The following CSNK1A1 variants were observed in gnomAD, a reference collection of about 807,000 sequenced individuals.
CSNK1A1 encodes the protein casein kinase 1 alpha 1.
Under a neutral mutation model 46.1 loss-of-function variants are expected in CSNK1A1, and 7 were observed. The ratio of observed to expected loss-of-function variants is 0.15; its 90% CI spans 0.09 to 0.29. The LOEUF (loss-of-function observed/expected upper bound fraction) is 0.29, where lower values mean the gene tolerates loss of function less well. Ranked by LOEUF, CSNK1A1 falls within the 10% of genes least tolerant of loss-of-function variation. The probability of loss-of-function intolerance (pLI) is 1.00; values close to 1 mark genes in which losing one functional copy is unlikely to be tolerated. For missense variants in CSNK1A1, 96 were observed against 417.1 expected (o/e 0.23, Z 6.71); for synonymous variants, 137 against 141.5 (o/e 0.97, Z 0.23).
Position 149,494,286 on chromosome 5 carries a change from A to C in CSNK1A1, c.*2567T>G, listed in dbSNP as rs778647931. On this transcript the variant is annotated 3_prime_UTR_variant, in exon 10 of 10. Transcript: ENST00000377843. ...AGCAAACCTCCAAATATTCATTTGT[A>C]AGCCATAAGAGGATAAGCACAACCA... 3 of 152,232 alleles carry C rather than the reference A, an allele frequency of 2.0e-5. No individual in the cohort carries two copies. Among genetic ancestry groups the C allele is most frequent in the African/African-American group, 4.8e-5 (2 of 41,462 alleles). The allele number at this position is 152,232 out of a possible 1,614,324, so 9.4% of individuals were successfully genotyped here.
intron 2 of CSNK1A1, among the ~76,000 whole-genome samples, chr5:149,542,519 A>G (rs1445052291): frequency 3.1e-5 from 4 of 127,614 alleles, no homozygotes. Flanking sequence ...GCTGGGGACC[A>G]CTGACTAAAG....
At chr5:149,548,412 C>A (rs1435923738) in intron 2 of CSNK1A1, among the ~76,000 whole-genome samples, 1 of 146,762 alleles carries the variant, frequency 6.8e-6, no homozygotes, top group East Asian at 2.1e-4. Context: ...ACTAAAAATA[C>A]AAAAATTAGC....
intron 9 of CSNK1A1, among the ~76,000 whole-genome samples, chr5:149,500,561 G>A (rs952383109): frequency 9.9e-5 from 15 of 152,092 alleles, no homozygotes; most frequent in African/African-American, 3.4e-4. Flanking sequence ...ACAGAAGCGA[G>A]CCACCGCACC....
intron 2 of CSNK1A1, among the ~76,000 whole-genome samples, chr5:149,526,946 G>A (rs1761740986): frequency 6.6e-6 from 1 of 152,126 alleles, no homozygotes; most frequent in South Asian, 2.1e-4. Flanking sequence ...TGCTTCAGTT[G>A]TTCTTGAGAA....
At chr5:149,518,496 T>C (rs947563515) in intron 4 of CSNK1A1, among the ~76,000 whole-genome samples, 1 of 152,120 alleles carries the variant, frequency 6.6e-6, no homozygotes, top group Non-Finnish European at 1.5e-5. Flanking sequence ...TCCAGTCTCA[T>C]ACAACTGGCA....
chr5:149,549,935 T>G, intron 2 of CSNK1A1, 140 bp downstream of exon 2: 1 of 914,754 alleles, frequency 1.1e-6, no homozygotes, highest in South Asian at 1.8e-5. Flanking sequence ...ATGACTGACT[T>G]ACAGGAAACC....
rs1760668795 is a variant in CSNK1A1 at position 149,496,852 on chromosome 5, C to T, written c.*1G>A. 13 of 1,553,930 alleles carry T rather than the reference C, an allele frequency of 8.4e-6. No homozygotes were observed. Among genetic ancestry groups the T allele is most frequent in the Non-Finnish European group, 1.0e-5 (12 of 1,151,212 alleles). On this transcript the variant is annotated 3_prime_UTR_variant, in exon 10 of 10. Transcript: ENST00000377843. Reference sequence around the variant, plus strand: ...TGCTTCTTCTGTTCCTCAATTCATGCTTAGAAACCTGGTAAAAAATCAAAA... The same window carrying T: ...TGCTTCTTCTGTTCCTCAATTCATGTTTAGAAACCTGGTAAAAAATCAAAA...
chr5:149,495,030 A>G lies in CSNK1A1; in HGVS notation c.*1823T>C, dbSNP rs1760613845. The G allele has an allele frequency of 6.6e-6, 1 of 152,218 alleles. No homozygotes were observed. The highest frequency in any genetic ancestry group is 6.5e-5 in the Admixed American group (1 of 15,280). 9.4% of individuals were successfully genotyped at this position (152,218 alleles called of 1,614,324 possible). On this transcript the variant is annotated 3_prime_UTR_variant, in exon 10 of 10. Coordinates refer to ENST00000377843, the MANE Select transcript of CSNK1A1 (RefSeq NM_001892.6). Reference sequence around the variant, plus strand: ...AGACTGATTTCTGGCTAAAAGTATCAAAGGGTTTATTAGTCAAGAAACAAA... The same window carrying G: ...AGACTGATTTCTGGCTAAAAGTATCGAAGGGTTTATTAGTCAAGAAACAAA...
At chr5:149,546,269 C>A (rs1762480458) in intron 2 of CSNK1A1, among the ~76,000 whole-genome samples, 2 of 152,012 alleles carry the variant, frequency 1.3e-5, no homozygotes, top group South Asian at 2.1e-4. Flanking sequence ...ACAGGAAGGA[C>A]CTGATTCAGC....
rs182973508 is a variant in CSNK1A1 at position 149,516,125 on chromosome 5, G to C, written c.457-2916C>G. On this transcript the variant is annotated intron_variant, in intron 4 of 9. Coordinates refer to ENST00000377843, the MANE Select transcript of CSNK1A1 (RefSeq NM_001892.6). Reference sequence around the variant, plus strand: ...ACTTGAGGTCAGGAGTTCAAGACCAGTCTGGCCAACATGGTAAAACCCCAT... The same window carrying C: ...ACTTGAGGTCAGGAGTTCAAGACCACTCTGGCCAACATGGTAAAACCCCAT... 1.3e-4 allele frequency among the ~76,000 whole-genome samples: 20 copies of C among 152,242 alleles called. No individual in the cohort carries two copies. The East Asian group carries it at 3.1e-3, about 24-fold the overall frequency.
Position 149,551,064 on chromosome 5 carries a change from G to T in CSNK1A1, c.-100C>A. ...ACACTAGGCAAGGCTACGGAGGAGG[G>T]CGGCAGGAAACGGAACACGGAGGCC... On this transcript the variant is annotated 5_prime_UTR_variant, in exon 1 of 10. Coordinates refer to ENST00000377843, the MANE Select transcript of CSNK1A1 (RefSeq NM_001892.6). 7.2e-7 allele frequency: 1 copy of T among 1,396,066 alleles called. No individual in the cohort carries two copies. Among genetic ancestry groups the T allele is most frequent in the Non-Finnish European group, 9.9e-7 (1 of 1,014,428 alleles). The allele number at this position is 1,396,066 out of a possible 1,614,324, so 86.5% of individuals were successfully genotyped here. A position where few individuals can be genotyped will look rare whatever the true frequency, so the allele number is the denominator to read the frequency against.
intron 2 of CSNK1A1, among the ~76,000 whole-genome samples, chr5:149,537,106 T>A (rs1336682878): frequency 6.6e-6 from 1 of 152,230 alleles, no homozygotes; most frequent in Non-Finnish European, 1.5e-5. Flanking sequence ...CCAGGTGCAG[T>A]GGCTCACACC....
chr5:149,512,311 A>G (rs1185697988), intron 5 of CSNK1A1, among the ~76,000 whole-genome samples: 1 of 151,998 alleles, frequency 6.6e-6, no homozygotes, highest in Non-Finnish European at 1.5e-5. Context: ...ACAAATATAT[A>G]TTTAGATATA....
rs370136782 is a variant in CSNK1A1 at position 149,545,063 on chromosome 5, T to C, written c.230+5012A>G. Among the ~76,000 whole-genome samples the C allele has an allele frequency of 1.6e-4, 24 of 150,554 alleles. No homozygotes were observed. In the East Asian group the frequency reaches 2.6e-3, roughly 16 times the overall value. On this transcript the variant is annotated intron_variant, in intron 2 of 9. Transcript: ENST00000377843. ...GTTGCAGTGAGCCAAGATCACACCA[T>C]TGCACTCCAGCCTGGGTGACAGAGC...
chr5:149,527,206 C>A (rs936276595), intron 2 of CSNK1A1, among the ~76,000 whole-genome samples: 1 of 151,992 alleles, frequency 6.6e-6, no homozygotes, highest in East Asian at 1.9e-4. Flanking sequence ...TGGCTCACTG[C>A]AACCTCTGCC....
chr5:149,546,227 T>C (rs942684046), intron 2 of CSNK1A1, among the ~76,000 whole-genome samples: 2 of 152,038 alleles, frequency 1.3e-5, no homozygotes, highest in African/African-American at 4.8e-5. Context: ...CTCAGGATGC[T>C]ATGCTTCTTA....
intron 9 of CSNK1A1, among the ~76,000 whole-genome samples, chr5:149,499,967 CTTTTTTTTTT>C (rs1162496799): frequency 2.6e-5 from 2 of 77,698 alleles, no homozygotes; most frequent in Admixed American, 2.0e-4. Context: ...TTCTTTTTTT[CTTTTTTTTTT>C]TTTTTTTTTG....
At chr5:149,547,078 T>C (rs988941689) in intron 2 of CSNK1A1, among the ~76,000 whole-genome samples, 2 of 152,188 alleles carry the variant, frequency 1.3e-5, no homozygotes, top group Non-Finnish European at 2.9e-5. Context: ...ATCCAATTAC[T>C]GTGTTCTCCT....
rs6865506 is a variant in CSNK1A1 at position 149,548,181 on chromosome 5, T to A, written c.230+1894A>T. Among the ~76,000 whole-genome samples, 746 of 152,264 alleles carry A rather than the reference T, an allele frequency of 4.9e-3. 6 individuals carry two copies. Among genetic ancestry groups the A allele is most frequent in the African/African-American group, 0.017 (719 of 41,568 alleles). ...CCACCACGCCTGGCTGGAACTCTTT[T>A]TAAGGACAGTTTTATTTGAGTTGTT... On this transcript the variant is annotated intron_variant, in intron 2 of 9. Coordinates refer to ENST00000377843, the MANE Select transcript of CSNK1A1 (RefSeq NM_001892.6).
Sources: gnomAD v4.1 joint callset for allele counts (sites outside exome capture counted in the v4.1 genomes callset) on GRCh38, gnomAD v4.1.1 for gene constraint, MANE v1.5 for transcripts, NCBI Gene and HGNC (gene_info 2026-07-23, HGNC 2026-07-21) for gene names.